GGA2: variants seen among roughly 807,000 people sequenced by gnomAD.
GGA2 encodes golgi associated, gamma adaptin ear containing, ARF binding protein 2.
Under a neutral mutation model 79.5 loss-of-function variants are expected in GGA2, and 48 were observed. The observed-to-expected ratio is 0.60, with a 90% CI of 0.48 to 0.77. The LOEUF (loss-of-function observed/expected upper bound fraction) is 0.77, where lower values mean the gene tolerates loss of function less well. Ranked by LOEUF, GGA2 falls within the 30% of genes least tolerant of loss-of-function variation. GGA2 has a pLI of 0.00. For synonymous variants in GGA2, 317 were observed against 302.0 expected, an observed-to-expected ratio of 1.05 and a Z score of -0.51; for missense variants, 770 against 774.0, an observed-to-expected ratio of 0.99 and a Z score of 0.06.
chr16:23,518,997 C>A (rs559091845), intron 2 of GGA2, among the ~76,000 whole-genome samples: 1 of 150,450 alleles, frequency 6.6e-6, no homozygotes, highest in African/African-American at 2.4e-5. Context: ...GAATGGGATT[C>A]CAAATTTGGC....
chr16:23,507,106 T>C (rs1278608478), intron 1 of GGA2, among the ~76,000 whole-genome samples: 3 of 152,102 alleles, frequency 2.0e-5, no homozygotes, highest in Non-Finnish European at 4.4e-5. Context: ...TCAAGACTCA[T>C]GAAAAACAGC....
rs1964716209 is a variant in GGA2, at chr16:23,486,608, C to CCAGG, written c.660+98_660+101dup. Reference sequence around the variant, plus strand: ...TCAGGGCTAGGAGCCACTCTTTCTCCCAGGCAACCGTTCCTCTACCCCTCA... The same window carrying CCAGG: ...TCAGGGCTAGGAGCCACTCTTTCTCCCAGGCAGGCAACCGTTCCTCTACCCCTCA... On this transcript the variant is annotated intron_variant, in intron 7 of 16. Coordinates refer to ENST00000309859, the MANE Select transcript of GGA2 (RefSeq NM_015044.4). The CCAGG allele has an allele frequency of 3.4e-5, 27 of 788,916 alleles. No individual in the cohort carries two copies. In the South Asian group the frequency reaches 3.7e-4, roughly 11 times the overall value. 48.9% of individuals were successfully genotyped at this position (788,916 alleles called of 1,614,324 possible).
chr16:23,509,543 C>A (rs1443518239), intron 1 of GGA2, among the ~76,000 whole-genome samples: 1 of 152,090 alleles, frequency 6.6e-6, no homozygotes, highest in East Asian at 1.9e-4. Context: ...GTGTTCCTGG[C>A]ACCTAGCAGA....
chr16:23,507,950 ACT>A lies in GGA2; in HGVS notation c.91+2369_91+2370del, dbSNP rs547617293. Among the ~76,000 whole-genome samples, 24 of 151,726 alleles carry A rather than the reference ACT, an allele frequency of 1.6e-4. No homozygotes were observed. In the East Asian group the frequency reaches 3.7e-3, roughly 23 times the overall value. Reference sequence around the variant, plus strand: ...ACTCCAGCCTGGGTGACACAGTGAGACTCTGTTTCAAAAAAAGCTGGAGTTGA... The same window carrying A: ...ACTCCAGCCTGGGTGACACAGTGAGACTGTTTCAAAAAAAGCTGGAGTTGA... On this transcript the variant is annotated intron_variant, in intron 1 of 16. Transcript: ENST00000309859.
At chr16:23,490,387 T>C (rs1407875120) in intron 5 of GGA2, among the ~76,000 whole-genome samples, 1 of 152,250 alleles carries the variant, frequency 6.6e-6, no homozygotes, top group Non-Finnish European at 1.5e-5. Flanking sequence ...TGTATGCATG[T>C]ACCAAAATAT....
chr16:23,513,572 C>T (rs969188648), upstream of GGA2, among the ~76,000 whole-genome samples: 1 of 151,904 alleles, frequency 6.6e-6, no homozygotes, highest in Non-Finnish European at 1.5e-5. Flanking sequence ...TCACTTGGGT[C>T]CAGGTGTTCA....
chr16:23,467,540 A>G lies in GGA2; in HGVS notation c.*50T>C, dbSNP rs1964456118. 3 of 937,080 alleles carry G rather than the reference A, an allele frequency of 3.2e-6. No homozygotes were observed. Among genetic ancestry groups the G allele is most frequent in the Admixed American group, 3.7e-5 (2 of 54,072 alleles). The allele number at this position is 937,080 out of a possible 1,614,324, so 58.0% of individuals were successfully genotyped here. A position where few individuals can be genotyped will look rare whatever the true frequency, so the allele number is the denominator to read the frequency against. On this transcript the variant is annotated 3_prime_UTR_variant, in exon 17 of 17. Transcript: ENST00000309859. Reference sequence around the variant, plus strand: ...CCGTGATTAGTCCTGACTAGACAGCAAAAGTAACGCCAGCCTAAGCTTGAA... The same window carrying G: ...CCGTGATTAGTCCTGACTAGACAGCGAAAGTAACGCCAGCCTAAGCTTGAA...
rs761091642 is a variant in GGA2 at position 23,474,889 on chromosome 16, T to C, written c.1450+15A>G. The C allele has an allele frequency of 6.3e-7, 1 of 1,577,820 alleles. No homozygotes were observed. The highest frequency in any genetic ancestry group is 1.7e-5 in the Admixed American group (1 of 58,106). ...GGGAAAAAAAAAAAAAGGTGGGGAGTGAAATTGTACTTACTGGGCTTAACA... is the reference window on the plus strand; with the variant it reads ...GGGAAAAAAAAAAAAAGGTGGGGAGCGAAATTGTACTTACTGGGCTTAACA... On this transcript the variant is annotated intron_variant, in intron 14 of 16. Transcript: ENST00000309859.
intron 5 of GGA2, among the ~76,000 whole-genome samples, chr16:23,491,411 C>G (rs1964785278): frequency 6.6e-6 from 1 of 150,954 alleles, no homozygotes; most frequent in African/African-American, 2.4e-5. Context: ...GTATTTTGAC[C>G]TTTTTCATGC....
chr16:23,519,500 G>C (rs1567374493), intron 2 of GGA2: 1 of 309,348 alleles, frequency 3.2e-6, no homozygotes, highest in Non-Finnish European at 6.7e-6. Flanking sequence ...CCTGACCCAG[G>C]CTAGGCCAAT....
At chr16:23,493,653 T>A in intron 3 of GGA2, 195 bp from the exon 4 acceptor site, 1 of 572,878 alleles carries the variant, frequency 1.7e-6, no homozygotes, top group South Asian at 2.0e-5. Context: ...AATCTTGCTA[T>A]AACTGCCTGA....
In GGA2 at chr16:23,487,864, C is replaced by T. The variant is rs568388163; in HGVS notation, c.579+742G>A. On this transcript the variant is annotated intron_variant, in intron 6 of 16. Transcript: ENST00000309859. Reference sequence around the variant, plus strand: ...TGCAGTTGACAGGCAGAGCATACCACGCAGAAACGAGTACGCAGCGTGTAG... The same window carrying T: ...TGCAGTTGACAGGCAGAGCATACCATGCAGAAACGAGTACGCAGCGTGTAG... Among the ~76,000 whole-genome samples the T allele has an allele frequency of 3.4e-4, 51 of 152,142 alleles. 1 individual carries two copies. Among genetic ancestry groups the T allele is most frequent in the Admixed American group, 6.5e-5 (1 of 15,284 alleles).
chr16:23,483,672 G>A (rs1008536424), intron 8 of GGA2, among the ~76,000 whole-genome samples: 1 of 151,954 alleles, frequency 6.6e-6, no homozygotes, highest in Non-Finnish European at 1.5e-5. Flanking sequence ...TTGAGACAGA[G>A]TTTCACTGTT....
intron 2 of GGA2, 75 bp downstream of exon 2, chr16:23,495,619 G>A (rs722069): frequency 0.76 from 622,608 of 816,170 alleles, 241,053 homozygotes; most frequent in Non-Finnish European, 0.81. Flanking sequence ...CCCTAAAACA[G>A]TCTTGAGAGA....
rs1964476909 is a variant in GGA2 at position 23,469,066 on chromosome 16, G to A, written c.1621-70C>T. 1.5e-5 allele frequency: 15 copies of A among 1,001,512 alleles called. No homozygotes were observed. The South Asian group carries it at 1.8e-4, about 12-fold the overall frequency. 62.0% of individuals were successfully genotyped at this position (1,001,512 alleles called of 1,614,324 possible). A position where few individuals can be genotyped will look rare whatever the true frequency, so the allele number is the denominator to read the frequency against. ...GCTTCTAGGATGGAGATCAGGTGAG[G>A]GGGAGCTGGACCTCCCCAACACCCC... On this transcript the variant is annotated intron_variant, in intron 15 of 16. Coordinates refer to ENST00000309859, the MANE Select transcript of GGA2 (RefSeq NM_015044.4).
At chr16:23,514,895 C>T (rs970607480), upstream of GGA2, among the ~76,000 whole-genome samples, 5 of 152,060 alleles carry the variant, frequency 3.3e-5, no homozygotes, top group African/African-American at 9.7e-5. Context: ...CCCCGCCACA[C>T]AGTTTCAGAT....
intron 1 of GGA2, among the ~76,000 whole-genome samples, chr16:23,502,718 G>A (rs1481633572): frequency 6.6e-6 from 1 of 152,200 alleles, no homozygotes; most frequent in Non-Finnish European, 1.5e-5. Flanking sequence ...ATTTCTGGTT[G>A]TAATAGCTGG....
chr16:23,511,323 T>A (rs1422936013), upstream of GGA2, among the ~76,000 whole-genome samples: 2 of 150,514 alleles, frequency 1.3e-5, no homozygotes, highest in African/African-American at 4.9e-5. Context: ...CAGCTATTTT[T>A]TTTTTTTTTG....
chr16:23,478,038 A>T (rs542776950), intron 13 of GGA2, among the ~76,000 whole-genome samples: 2 of 120,484 alleles, frequency 1.7e-5, no homozygotes, highest in East Asian at 2.1e-4. Context: ...ACTAAAAATT[A>T]AAAAAAAAAA....
Sources: gnomAD v4.1 joint callset for allele counts (sites outside exome capture counted in the v4.1 genomes callset) on GRCh38, gnomAD v4.1.1 for gene constraint, MANE v1.5 for transcripts, NCBI Gene and HGNC (gene_info 2026-07-23, HGNC 2026-07-21) for gene names.